The following GRM3 variants were observed in gnomAD, a reference collection of about 807,000 sequenced individuals.
The protein encoded by GRM3 is glutamate metabotropic receptor 3.
A neutral mutation model predicts 70.5 loss-of-function variants in GRM3; 26 were observed. The ratio of observed to expected loss-of-function variants is 0.37; its 90% CI spans 0.27 to 0.51. The LOEUF (loss-of-function observed/expected upper bound fraction) is 0.51, where lower values mean the gene tolerates loss of function less well. GRM3 is among the 20% of genes least tolerant of loss of function. The probability of loss-of-function intolerance (pLI) is 0.93; values close to 1 mark genes in which losing one functional copy is unlikely to be tolerated. For synonymous variants in GRM3, 443 were observed against 434.9 expected (o/e 1.02, Z -0.23); for missense variants, 859 against 1,123.8 (o/e 0.76, Z 3.37).
At chr7:86,646,014 G>GTT (rs1793461160) in intron 1 of GRM3, among the ~76,000 whole-genome samples, 1 of 66,000 alleles carries the variant, frequency 1.5e-5, no homozygotes, top group Non-Finnish European at 3.0e-5. Flanking sequence ...GGTGGGGGGG[G>GTT]GTGGGAGGGA....
intron 3 of GRM3, among the ~76,000 whole-genome samples, chr7:86,836,295 C>T (rs1288279166): frequency 6.6e-6 from 1 of 152,006 alleles, no homozygotes; most frequent in African/African-American, 2.4e-5. Context: ...TATGAATTTG[C>T]TCTAAGTAAA....
chr7:86,664,226 T>C (rs546314263), intron 1 of GRM3, among the ~76,000 whole-genome samples: 1 of 152,056 alleles, frequency 6.6e-6, no homozygotes, highest in South Asian at 2.1e-4. Context: ...GTAGACCAGT[T>C]ATGGGATTTT....
At chr7:86,818,863 A>T (rs917358258) in intron 3 of GRM3, among the ~76,000 whole-genome samples, 1 of 152,132 alleles carries the variant, frequency 6.6e-6, no homozygotes, top group African/African-American at 2.4e-5. Context: ...ATGCCACACG[A>T]TGTGGGCCAA....
chr7:86,663,108 A>G (rs1386226310), intron 1 of GRM3, among the ~76,000 whole-genome samples: 1 of 151,966 alleles, frequency 6.6e-6, no homozygotes, highest in Non-Finnish European at 1.5e-5. Context: ...ATCTAGTAAC[A>G]GAGACCATTT....
chr7:86,736,468 G>A (rs1319473799), intron 1 of GRM3, among the ~76,000 whole-genome samples: 1 of 152,188 alleles, frequency 6.6e-6, no homozygotes, highest in Non-Finnish European at 1.5e-5. Context: ...GTTACGTTTT[G>A]CTCAAGCAGA....
intron 1 of GRM3, among the ~76,000 whole-genome samples, chr7:86,688,502 G>A (rs1794618425): frequency 6.6e-6 from 1 of 151,490 alleles, no homozygotes; most frequent in African/African-American, 2.4e-5. Context: ...AAAGCAAAAA[G>A]TTGAAAGAAC....
chr7:86,781,069 A>C (rs1050957396), intron 2 of GRM3, among the ~76,000 whole-genome samples: 1 of 152,084 alleles, frequency 6.6e-6, no homozygotes, highest in South Asian at 2.1e-4. Context: ...ATCTCTATGC[A>C]CTCTTTACCT....
intron 3 of GRM3, among the ~76,000 whole-genome samples, chr7:86,804,654 G>T (rs549896223): frequency 3.3e-5 from 5 of 152,110 alleles, no homozygotes; most frequent in Non-Finnish European, 7.4e-5. Flanking sequence ...CAGATGATCC[G>T]CCCGCCTTGG....
chr7:86,749,014 A>T (rs562954194), intron 1 of GRM3, among the ~76,000 whole-genome samples: 3 of 152,178 alleles, frequency 2.0e-5, no homozygotes, highest in South Asian at 4.1e-4. Context: ...TTAGTTAGAT[A>T]TTTTATGCAA....
Position 86,839,407 on chromosome 7 carries a change from C to T in GRM3, c.1893C>T (p.Phe631=), listed in dbSNP as rs2116737068. 1 of 1,614,030 alleles carries T rather than the reference C, an allele frequency of 6.2e-7. No homozygotes were observed. Among genetic ancestry groups the T allele is most frequent in the Non-Finnish European group, 8.5e-7 (1 of 1,179,916 alleles). Residue 631 remains phenylalanine, a synonymous_variant, in exon 4 of 6, where the codon TTC becomes TTT. Transcript: ENST00000361669. This position sits in a 1 kb window ranked among gnomAD's most constrained non-coding sequence, Gnocchi z 4.5. ...GCCTGTCATACTGCATGACATTCTT[C>T]TTCATTGCCAAGCCATCACCAGTCA... The part of the protein sequence containing the change: ...GVGLSYCMTF[F]FIAKPSPVIC...
intron 1 of GRM3, among the ~76,000 whole-genome samples, chr7:86,749,866 G>T (rs1212711614): frequency 6.6e-6 from 1 of 151,950 alleles, no homozygotes. Flanking sequence ...AGTTATAAAA[G>T]GAGTTATCCC....
In GRM3 at chr7:86,646,379, T is replaced by C. The variant is rs557283193; in HGVS notation, c.-141+1507T>C. Among the ~76,000 whole-genome samples, 8 of 152,308 alleles carry C rather than the reference T, an allele frequency of 5.3e-5. No individual in the cohort carries two copies. In the South Asian group the frequency reaches 1.5e-3, roughly 28 times the overall value. On this transcript the variant is annotated intron_variant, in intron 1 of 5. Coordinates refer to ENST00000361669, the MANE Select transcript of GRM3 (RefSeq NM_000840.3). ...CTGTAGACTTTAGCTGTCAATCTTA[T>C]TGGGTTTTGATCACCCAGCAGGAGT...
chr7:86,669,746 AT>A (rs1794123993), intron 1 of GRM3, among the ~76,000 whole-genome samples: 1 of 152,190 alleles, frequency 6.6e-6, no homozygotes, highest in Non-Finnish European at 1.5e-5. Flanking sequence ...ATATAAAAAA[AT>A]CTTCCTCAAA....
rs552724044 is a variant in GRM3 at position 86,730,114 on chromosome 7, C to CA, written c.-140-34884dup. On this transcript the variant is annotated intron_variant, in intron 1 of 5. Coordinates refer to ENST00000361669, the MANE Select transcript of GRM3 (RefSeq NM_000840.3). ...GGGCAAAAAGAGCAAAACTCTGCCT[C>CA]AAAAAAAATAAAATACCATAACTCA... Among the ~76,000 whole-genome samples, 428 of 147,134 alleles carry CA rather than the reference C, an allele frequency of 2.9e-3. 1 individual carries two copies. The highest frequency in any genetic ancestry group is 0.02 in the Middle Eastern group (5 of 254).
chr7:86,864,651 C>CA lies in GRM3; in HGVS notation c.*309dup, dbSNP rs537356930. The CA allele has an allele frequency of 7.0e-3, 715 of 101,694 alleles. 3 individuals are homozygous for CA. The highest frequency in any genetic ancestry group is 0.02 in the Middle Eastern group (4 of 200). The allele number at this position is 101,694 out of a possible 1,614,324, so 6.3% of individuals were successfully genotyped here. A position where few individuals can be genotyped will look rare whatever the true frequency, so the allele number is the denominator to read the frequency against. On this transcript the variant is annotated 3_prime_UTR_variant, in exon 6 of 6. Transcript: ENST00000361669. ...TCTACTAAAAAACAAAAAAAAAAAA[C>CA]AAAAAAAAAAAAACAAAAGAAAAAA...
chr7:86,806,648 C>A (rs1045892762), intron 3 of GRM3, among the ~76,000 whole-genome samples: 3 of 152,102 alleles, frequency 2.0e-5, no homozygotes, highest in Non-Finnish European at 4.4e-5. Context: ...GATATTAGCC[C>A]TTTGTCAGAT....
intron 3 of GRM3, among the ~76,000 whole-genome samples, chr7:86,836,321 G>C (rs1798456256): frequency 6.6e-6 from 1 of 151,998 alleles, no homozygotes; most frequent in African/African-American, 2.4e-5. Flanking sequence ...AGATAATGAG[G>C]TTTATAAAGG....
intron 1 of GRM3, among the ~76,000 whole-genome samples, chr7:86,711,407 A>G (rs1250981110): frequency 2.0e-5 from 3 of 152,046 alleles, no homozygotes; most frequent in Non-Finnish European, 2.9e-5. Context: ...TATTTCCACA[A>G]TATTATTTGG....
In GRM3 at chr7:86,764,889, T is replaced by C; in HGVS notation, c.-140-117T>C. 3 of 533,960 alleles carry C rather than the reference T, an allele frequency of 5.6e-6. No individual in the cohort carries two copies. In the South Asian group the frequency reaches 9.3e-5, roughly 17 times the overall value. 33.1% of individuals were successfully genotyped at this position (533,960 alleles called of 1,614,324 possible). A position where few individuals can be genotyped will look rare whatever the true frequency, so the allele number is the denominator to read the frequency against. On this transcript the variant is annotated intron_variant, in intron 1 of 5. Coordinates refer to ENST00000361669, the MANE Select transcript of GRM3 (RefSeq NM_000840.3). ...GAGAGTGCCTGGTGCTGTGGTGTAC[T>C]GTGTGTTTAGTAAATGGTTTTCTGA...
Sources: gnomAD v4.1 joint callset for allele counts (sites outside exome capture counted in the v4.1 genomes callset) on GRCh38, gnomAD v4.1.1 for gene constraint, Gnocchi (gnomAD v3.1) non-coding constraint, MANE v1.5 for transcripts, NCBI Gene and HGNC (gene_info 2026-07-23, HGNC 2026-07-21) for gene names.